MZT2B: variants seen among roughly 807,000 people sequenced by gnomAD.
MZT2B encodes mitotic spindle organizing protein 2B, also known as mitotic-spindle organizing protein 2B.
A neutral mutation model predicts 12.1 loss-of-function variants in MZT2B; 11 were observed. That is an observed-to-expected ratio of 0.91 (90% CI 0.57 to 1.50). The LOEUF is 1.50. MZT2B is among the 40% of genes most tolerant of loss of function. The pLI is 0.00. For synonymous variants in MZT2B, 85 were observed against 109.5 expected, an observed-to-expected ratio of 0.78 and a Z score of 1.40; for missense variants, 209 against 227.7, an observed-to-expected ratio of 0.92 and a Z score of 0.53.
At chr2:130,185,272 C>T (rs1187254344) in intron 2 of MZT2B, among the ~76,000 whole-genome samples, 1 of 149,424 alleles carries the variant, frequency 6.7e-6, no homozygotes. Context: ...GATCACACCA[C>T]TGCACTCCAG....
upstream of MZT2B, chr2:130,181,860 C>G (rs773253705): frequency 2.2e-4 from 343 of 1,535,134 alleles, no homozygotes; most frequent in Non-Finnish European, 2.7e-4. Context: ...AGTGCCCCCC[C>G]CTTCCCCCCG....
chr2:130,181,717 A>C (rs1486598965), upstream of MZT2B: 1 of 1,549,034 alleles, frequency 6.5e-7, no homozygotes, highest in East Asian at 2.4e-5. Context: ...CGGGGAAGAG[A>C]AATGGCGAGG....
In MZT2B at chr2:130,189,177, T is replaced by C. The variant is rs35232713; in HGVS notation, c.320-1292T>C. On this transcript the variant is annotated intron_variant, in intron 2 of 2. Transcript: ENST00000281871. ...AGCTTACATACAGAGGGGGCTGCAGTGTACCCTCACGAGGGACAGCCAGGA... is the reference window on the plus strand; with the variant it reads ...AGCTTACATACAGAGGGGGCTGCAGCGTACCCTCACGAGGGACAGCCAGGA... 5.6e-3 allele frequency among the ~76,000 whole-genome samples: 846 copies of C among 152,164 alleles called. 38 individuals carry two copies. In the East Asian group the frequency reaches 0.13, roughly 23 times the overall value.
rs570926338 is a variant in MZT2B at position 130,183,747 on chromosome 2, C to T, written c.319+972C>T. On this transcript the variant is annotated intron_variant, in intron 2 of 2. Coordinates refer to ENST00000281871, the MANE Select transcript of MZT2B (RefSeq NM_025029.5). ...GCGTGCTGGCCTCTTCACTGACCTTCGCTCTGTCTGCTCTCTTTGTGTCTC... is the reference window on the plus strand; with the variant it reads ...GCGTGCTGGCCTCTTCACTGACCTTTGCTCTGTCTGCTCTCTTTGTGTCTC... The T allele has an allele frequency of 6.0e-5, 93 of 1,550,602 alleles. No homozygotes were observed. The Admixed American group carries it at 7.4e-4, about 12-fold the overall frequency.
intron 2 of MZT2B, among the ~76,000 whole-genome samples, chr2:130,185,262 G>GATCACA: frequency 6.8e-6 from 1 of 146,826 alleles, no homozygotes; most frequent in South Asian, 2.2e-4. Context: ...AGTGAGCCGA[G>GATCACA]ATCACACCAC....
At chr2:130,191,062 G>A (rs1421440935), downstream of MZT2B, among the ~76,000 whole-genome samples, 2 of 152,122 alleles carry the variant, frequency 1.3e-5, no homozygotes, top group Non-Finnish European at 2.9e-5. Flanking sequence ...CCATTCTCCT[G>A]CCTCAGCCTC....
chr2:130,184,750 G>A (rs1689994533), intron 2 of MZT2B: 4 of 985,438 alleles, frequency 4.1e-6, no homozygotes, highest in Non-Finnish European at 4.8e-6. Context: ...CACTCCAGGG[G>A]ATGTTGCTGC....
chr2:130,203,769 A>G, the MZT2B span, among the ~76,000 whole-genome samples: 2 of 152,098 alleles, frequency 1.3e-5, no homozygotes, highest in African/African-American at 2.4e-5. Context: ...CACTTTGCCT[A>G]TGTATTTTTT....
chr2:130,193,048 G>A (rs188294080), downstream of MZT2B, among the ~76,000 whole-genome samples: 146 of 151,116 alleles, frequency 9.7e-4, no homozygotes, highest in East Asian at 8.3e-3. Context: ...AGTCAAGATC[G>A]TGCCACTGCA....
At chr2:130,190,888 C>T (rs1690244081), downstream of MZT2B, among the ~76,000 whole-genome samples, 1 of 152,082 alleles carries the variant, frequency 6.6e-6, no homozygotes, top group African/African-American at 2.4e-5. Context: ...GAAAAGGCAT[C>T]TGGATTGCCA....
At chr2:130,195,076 T>C, downstream of MZT2B, 1 of 1,613,078 alleles carries the variant, frequency 6.2e-7, no homozygotes, top group Non-Finnish European at 8.5e-7. Flanking sequence ...CTTCTCTTCT[T>C]ACCAGTTTGC....
chr2:130,184,759 GCTCACTCAGCA>G, intron 2 of MZT2B: 1 of 985,430 alleles, frequency 1.0e-6, no homozygotes, highest in Non-Finnish European at 1.2e-6. Flanking sequence ...GGATGTTGCT[GCTCACTCAGCA>G]CTCACTCAGG....
chr2:130,191,680 C>T, downstream of MZT2B: 2 of 1,388,684 alleles, frequency 1.4e-6, no homozygotes, highest in Non-Finnish European at 1.9e-6. Context: ...CACCGCTGTC[C>T]ATGCAGGCTC....
the MZT2B span, among the ~76,000 whole-genome samples, chr2:130,195,903 T>C: frequency 3.3e-5 from 5 of 152,378 alleles, no homozygotes; most frequent in Admixed American, 2.0e-4. Context: ...TGAGGGAATC[T>C]CTTCACAGCC....
chr2:130,196,663 C>A, the MZT2B span, among the ~76,000 whole-genome samples: 5 of 152,196 alleles, frequency 3.3e-5, no homozygotes, highest in African/African-American at 1.2e-4. Flanking sequence ...ATCAACCCCA[C>A]ATTATAGCCC....
chr2:130,191,919 C>A (rs370991093), downstream of MZT2B: 6 of 1,614,090 alleles, frequency 3.7e-6, no homozygotes, highest in South Asian at 4.4e-5. Flanking sequence ...CAGGTCCTCG[C>A]GGGCCTCAGA....
At chr2:130,191,739 G>A (rs1282471608), downstream of MZT2B, 52 of 1,539,722 alleles carry the variant, frequency 3.4e-5, no homozygotes, top group Non-Finnish European at 4.5e-5. Flanking sequence ...ATGACACTCA[G>A]AGGTCTTGGT....
rs751278048 is a variant in MZT2B, at chr2:130,190,495, G to T, written c.346G>T (p.Gly116Trp). Residue 116 changes from glycine to tryptophan, a missense_variant, in exon 3 of 3, where the codon GGG (glycine) becomes TGG (tryptophan). Transcript: ENST00000281871. Reference sequence around the variant, plus strand: ...GAGAAACAAAGGCAGCGCTGCCCTCGGGGGAGCATTGGCCCTGGCGGAACG... The same window carrying T: ...GAGAAACAAAGGCAGCGCTGCCCTCTGGGGAGCATTGGCCCTGGCGGAACG... ...RGRNKGSAALGGALALAERSS... is the reference protein window; with the variant it reads ...RGRNKGSAALWGALALAERSS... 1 of 1,613,718 alleles carries T rather than the reference G, an allele frequency of 6.2e-7. No homozygotes were observed. The highest frequency in any genetic ancestry group is 1.7e-5 in the Admixed American group (1 of 60,022).
At chr2:130,181,760 G>C (rs1325989241), upstream of MZT2B, 1 of 1,548,154 alleles carries the variant, frequency 6.5e-7, no homozygotes, top group South Asian at 1.2e-5. Flanking sequence ...GTCCTTAGCT[G>C]AATGCGCCTG....
Sources: allele counts gnomAD v4.1 joint callset (sites outside exome capture counted in the v4.1 genomes callset), GRCh38; gene constraint gnomAD v4.1.1; transcripts MANE v1.5; gene names NCBI Gene and HGNC (gene_info 2026-07-23, HGNC 2026-07-21).